THSD7B: variants seen among roughly 807,000 people sequenced by gnomAD.
THSD7B encodes thrombospondin type 1 domain containing 7B.
In THSD7B, 138 loss-of-function variants were observed where a neutral mutation model predicts 213.6. That is an observed-to-expected ratio of 0.65 (90% CI 0.56 to 0.74). The LOEUF (loss-of-function observed/expected upper bound fraction) is 0.74. Among genes scored for constraint, THSD7B ranks in the 30% least tolerant of loss-of-function variants. The pLI is 0.00. For synonymous variants in THSD7B, 742 were observed against 687.0 expected (o/e 1.08, Z -1.25); for missense variants, 1,931 against 1,991.5 (o/e 0.97, Z 0.58).
At chr2:137,408,936 G>A (rs1440965589) in intron 13 of THSD7B, among the ~76,000 whole-genome samples, 1 of 152,198 alleles carries the variant, frequency 6.6e-6, no homozygotes, top group East Asian at 1.9e-4. Context: ...AATTTCTGGA[G>A]TAAACATACA....
chr2:136,914,194 G>C (rs576855409), intron 2 of THSD7B, among the ~76,000 whole-genome samples: 3 of 152,150 alleles, frequency 2.0e-5, no homozygotes, highest in Admixed American at 1.3e-4. Flanking sequence ...TCGGACATAC[G>C]TGGGCCCTGT....
At chr2:136,854,330 G>A (rs1252090099) in intron 1 of THSD7B, among the ~76,000 whole-genome samples, 1 of 151,974 alleles carries the variant, frequency 6.6e-6, no homozygotes, top group Admixed American at 6.6e-5. Context: ...TGAAAATTTT[G>A]GGATTCATTT....
chr2:137,573,712 G>A (rs558926799), intron 17 of THSD7B, among the ~76,000 whole-genome samples: 5 of 152,100 alleles, frequency 3.3e-5, no homozygotes, highest in African/African-American at 9.6e-5. Flanking sequence ...AATCCTATTA[G>A]GTTGGTAGTA....
intron 7 of THSD7B, among the ~76,000 whole-genome samples, chr2:137,206,661 A>G (rs1205203213): frequency 6.6e-6 from 1 of 152,012 alleles, no homozygotes; most frequent in African/African-American, 2.4e-5. Flanking sequence ...AAAGACCATA[A>G]AGGATTTTGC....
chr2:136,879,287 G>A (rs561392727), intron 1 of THSD7B, among the ~76,000 whole-genome samples: 1 of 152,180 alleles, frequency 6.6e-6, no homozygotes, highest in East Asian at 1.9e-4. Flanking sequence ...TCTCTGTTTT[G>A]GTACCAGTAC....
chr2:137,285,707 T>A (rs1191009089), intron 12 of THSD7B, among the ~76,000 whole-genome samples: 1 of 152,000 alleles, frequency 6.6e-6, no homozygotes, highest in Non-Finnish European at 1.5e-5. Context: ...TGGAAACATA[T>A]ATTTGCATGT....
intron 27 of THSD7B, among the ~76,000 whole-genome samples, chr2:137,674,351 A>C (rs1293072215): frequency 6.6e-6 from 1 of 152,172 alleles, no homozygotes; most frequent in Non-Finnish European, 1.5e-5. Flanking sequence ...GAAGACTCCT[A>C]CTGTAATTTC....
chr2:137,277,348 C>G (rs931866803), intron 12 of THSD7B, among the ~76,000 whole-genome samples: 9 of 151,962 alleles, frequency 5.9e-5, no homozygotes, highest in South Asian at 2.1e-4. Flanking sequence ...CCTGATAGTC[C>G]TTTAGATTAG....
At chr2:137,377,142 G>A (rs1212861590) in intron 12 of THSD7B, among the ~76,000 whole-genome samples, 1 of 152,038 alleles carries the variant, frequency 6.6e-6, no homozygotes, top group African/African-American at 2.4e-5. Context: ...TGGAAATTGG[G>A]TATTCTGTGT....
At chr2:136,847,339 T>C (rs953433889) in intron 1 of THSD7B, among the ~76,000 whole-genome samples, 36 of 152,206 alleles carry the variant, frequency 2.4e-4, no homozygotes, top group African/African-American at 1.4e-4. Flanking sequence ...ATTTTAGTTT[T>C]ATCTAGAACA....
intron 12 of THSD7B, among the ~76,000 whole-genome samples, chr2:137,290,114 T>C (rs78544077): frequency 4.0e-5 from 6 of 149,776 alleles, no homozygotes; most frequent in Non-Finnish European, 7.4e-5. Context: ...AGTTTTCTTT[T>C]TTTTTTTTTT....
intron 15 of THSD7B, among the ~76,000 whole-genome samples, chr2:137,489,043 G>T (rs555868443): frequency 3.5e-4 from 54 of 152,250 alleles, no homozygotes; most frequent in African/African-American, 1.2e-3. Context: ...ACTAAAAGAA[G>T]AACTTAATAT....
At chr2:137,479,599 TC>T in intron 15 of THSD7B, 1 of 213,438 alleles carries the variant, frequency 4.7e-6, no homozygotes, top group Non-Finnish European at 1.0e-5. Context: ...AGGTAGCCTT[TC>T]CTTAGTATGC....
intron 12 of THSD7B, among the ~76,000 whole-genome samples, chr2:137,297,427 G>A (rs746817510): frequency 1.3e-5 from 2 of 151,054 alleles, no homozygotes; most frequent in Non-Finnish European, 2.9e-5. Context: ...CAAATTTGAA[G>A]GTTTTTTCTT....
chr2:136,810,145 C>T (rs967711729), intron 1 of THSD7B, among the ~76,000 whole-genome samples: 1 of 152,184 alleles, frequency 6.6e-6, no homozygotes, highest in African/African-American at 2.4e-5. Context: ...CTTTCCCTTT[C>T]AGTTTTCACT....
intron 17 of THSD7B, among the ~76,000 whole-genome samples, chr2:137,580,269 A>G (rs1360240072): frequency 6.9e-6 from 1 of 145,962 alleles, no homozygotes; most frequent in Non-Finnish European, 1.5e-5. Context: ...ATTTAATATC[A>G]TGTGAATTGA....
chr2:136,803,086 T>C (rs1445246218), intron 1 of THSD7B, among the ~76,000 whole-genome samples: 1 of 152,040 alleles, frequency 6.6e-6, no homozygotes, highest in African/African-American at 2.4e-5. Context: ...CTTGATATTA[T>C]AGATTCCTAT....
intron 4 of THSD7B, among the ~76,000 whole-genome samples, chr2:137,095,924 A>G (rs1463203817): frequency 6.6e-6 from 1 of 151,668 alleles, no homozygotes; most frequent in African/African-American, 2.4e-5. Context: ...CTGGTCTCAA[A>G]CTCCTGGGCT....
chr2:137,483,331 A>G (rs528916135), intron 15 of THSD7B, among the ~76,000 whole-genome samples: 15 of 152,366 alleles, frequency 9.8e-5, no homozygotes, highest in African/African-American at 3.6e-4. Context: ...TGAAAGTTAC[A>G]TAACTAATAA....
Sources: gnomAD v4.1 joint callset for allele counts (sites outside exome capture counted in the v4.1 genomes callset) on GRCh38, gnomAD v4.1.1 for gene constraint, MANE v1.5 for transcripts, NCBI Gene and HGNC (gene_info 2026-07-23, HGNC 2026-07-21) for gene names.